GALNT13: variants seen among roughly 807,000 people sequenced by gnomAD.
GALNT13 encodes UDP-GalNAc:polypeptide N-acetylgalactosaminyltransferase 13.
Under a neutral mutation model 64.2 loss-of-function variants are expected in GALNT13, and 28 were observed. The ratio of observed to expected loss-of-function variants is 0.44; its 90% CI spans 0.32 to 0.60. GALNT13 has a LOEUF of 0.60. GALNT13 is among the 20% of genes least tolerant of loss of function. The pLI, the probability that GALNT13 is intolerant of heterozygous loss-of-function variation, is 0.05. For synonymous variants in GALNT13, 214 were observed against 224.6 expected, an observed-to-expected ratio of 0.95 and a Z score of 0.42; for missense variants, 577 against 669.8, an observed-to-expected ratio of 0.86 and a Z score of 1.53.
the GALNT13 span, among the ~76,000 whole-genome samples, chr2:153,765,717 G>C: frequency 6.6e-6 from 1 of 152,110 alleles, no homozygotes; most frequent in East Asian, 1.9e-4. Context: ...GATATGGTTA[G>C]GCTGTGTCCT....
the GALNT13 span, among the ~76,000 whole-genome samples, chr2:153,394,282 C>G: frequency 6.6e-6 from 1 of 152,050 alleles, no homozygotes; most frequent in Non-Finnish European, 1.5e-5. Flanking sequence ...TACAATATAA[C>G]CTATATTTTC....
At chr2:153,102,600 A>G in the GALNT13 span, among the ~76,000 whole-genome samples, 1 of 152,224 alleles carries the variant, frequency 6.6e-6, no homozygotes, top group Non-Finnish European at 1.5e-5. Context: ...TATTATTTAA[A>G]TGAATGAAGA....
At chr2:153,685,250 A>G in the GALNT13 span, among the ~76,000 whole-genome samples, 1 of 151,920 alleles carries the variant, frequency 6.6e-6, no homozygotes, top group African/African-American at 2.4e-5. Context: ...CAATGGTTGA[A>G]CTAAATTACA....
chr2:154,286,325 C>T (rs545390286), intron 8 of GALNT13, among the ~76,000 whole-genome samples: 27 of 152,216 alleles, frequency 1.8e-4, no homozygotes, highest in African/African-American at 6.5e-4. Context: ...TCATACATGG[C>T]TTTTATTGTA....
chr2:153,476,522 T>A, the GALNT13 span, among the ~76,000 whole-genome samples: 1 of 152,222 alleles, frequency 6.6e-6, no homozygotes, highest in Non-Finnish European at 1.5e-5. Flanking sequence ...CAGGCACGGT[T>A]TTTAGGCGTT....
At chr2:153,982,027 C>T (rs567092183) in intron 3 of GALNT13, among the ~76,000 whole-genome samples, 1 of 152,006 alleles carries the variant, frequency 6.6e-6, no homozygotes, top group Non-Finnish European at 1.5e-5. Flanking sequence ...AAGAATGCCC[C>T]TCTGCTAGAA....
chr2:153,567,418 A>G, the GALNT13 span, among the ~76,000 whole-genome samples: 1 of 152,236 alleles, frequency 6.6e-6, no homozygotes, highest in South Asian at 2.1e-4. Flanking sequence ...AGCCATTAGC[A>G]TTGGTAGAAG....
rs1343369244 is a variant in GALNT13, at chr2:154,173,132, A to G, written c.311+32627A>G. On this transcript the variant is annotated intron_variant, in intron 4 of 12. Transcript: ENST00000392825. The stretch of plus-strand genomic sequence containing the variant: ...ATGGTATTGGCATTAAAACAGACAT[A>G]TGGACAAATTGAACAGAATAGAAGA... Among the ~76,000 whole-genome samples, 3 of 152,102 alleles carry G rather than the reference A, an allele frequency of 2.0e-5. No individual in the cohort carries two copies. In the South Asian group the frequency reaches 6.2e-4, roughly 32 times the overall value.
In GALNT13 at chr2:153,956,841, G is replaced by A. The variant is rs376165416; in HGVS notation, c.142+12202G>A. ...AAGAATCATTCTATCACTTTAAGAC[G>A]TTAAACCACATAATACGCTCACTAT... On this transcript the variant is annotated intron_variant, in intron 3 of 12. Transcript: ENST00000392825. Among the ~76,000 whole-genome samples the A allele has an allele frequency of 3.2e-4, 49 of 152,174 alleles. 1 individual carries two copies. In the South Asian group the frequency reaches 8.5e-3, roughly 26 times the overall value.
At chr2:154,364,497 C>A (rs368473007) in intron 9 of GALNT13, among the ~76,000 whole-genome samples, 89 of 152,300 alleles carry the variant, frequency 5.8e-4, no homozygotes, top group African/African-American at 2.1e-3. Flanking sequence ...ATAGCAAATT[C>A]ATATCCTTAG....
At chr2:153,310,407 C>G in the GALNT13 span, among the ~76,000 whole-genome samples, 1 of 152,028 alleles carries the variant, frequency 6.6e-6, no homozygotes, top group Non-Finnish European at 1.5e-5. Flanking sequence ...CTGCCTGGGT[C>G]CAATTACATG....
the GALNT13 span, among the ~76,000 whole-genome samples, chr2:153,345,648 T>C: frequency 8.3e-6 from 1 of 119,806 alleles, no homozygotes; most frequent in Non-Finnish European, 1.7e-5. Context: ...TCTTTCTTTC[T>C]TTCTTTCTTT....
the GALNT13 span, among the ~76,000 whole-genome samples, chr2:153,349,858 A>T: frequency 6.6e-6 from 1 of 152,180 alleles, no homozygotes; most frequent in Admixed American, 6.5e-5. Context: ...TTAACCATAG[A>T]ATCCAATTAA....
intron 10 of GALNT13, among the ~76,000 whole-genome samples, chr2:154,403,233 A>C (rs1699378624): frequency 6.6e-6 from 1 of 152,154 alleles, no homozygotes; most frequent in Non-Finnish European, 1.5e-5. Flanking sequence ...CAGGCGGATC[A>C]CTTGAGATCA....
At chr2:154,424,417 A>G (rs1461307417) in intron 11 of GALNT13, among the ~76,000 whole-genome samples, 1 of 152,206 alleles carries the variant, frequency 6.6e-6, no homozygotes, top group South Asian at 2.1e-4. Context: ...TTTAATATAC[A>G]GTATATTTTA....
chr2:154,220,269 G>A (rs1242608647), intron 4 of GALNT13, among the ~76,000 whole-genome samples: 1 of 152,056 alleles, frequency 6.6e-6, no homozygotes, highest in African/African-American at 2.4e-5. Context: ...ATATTTGGAT[G>A]TGTAGTAAAA....
chr2:154,329,828 T>TTC lies in GALNT13; in HGVS notation c.1156+28248_1156+28249dup, dbSNP rs967818299. Among the ~76,000 whole-genome samples, 136 of 152,096 alleles carry TTC rather than the reference T, an allele frequency of 8.9e-4. 2 individuals are homozygous for TTC. In the Middle Eastern group the frequency reaches 0.01, roughly 11 times the overall value. On this transcript the variant is annotated intron_variant, in intron 9 of 12. Coordinates refer to ENST00000392825, the MANE Select transcript of GALNT13 (RefSeq NM_052917.4). ...ACCACACCTCTGCCTCTTTCCTTCTTTCTCTCTCTCCTGTGATCTCTGTGC... is the reference window on the plus strand; with the variant it reads ...ACCACACCTCTGCCTCTTTCCTTCTTTCTCTCTCTCTCCTGTGATCTCTGTGC...
the GALNT13 span, among the ~76,000 whole-genome samples, chr2:153,460,459 T>A: frequency 1.3e-5 from 2 of 152,162 alleles, no homozygotes; most frequent in Admixed American, 6.6e-5. Context: ...TAGATAGTTT[T>A]CAGTTGTTTG....
At chr2:154,147,354 AAT>A (rs368415407) in intron 4 of GALNT13, among the ~76,000 whole-genome samples, 1,819 of 147,376 alleles carry the variant, frequency 0.012, 14 homozygotes, top group Non-Finnish European at 0.019. Flanking sequence ...ATTTGAATGG[AAT>A]ATATATATAT....
Sources: gnomAD v4.1 joint callset for allele counts (sites outside exome capture counted in the v4.1 genomes callset) on GRCh38, gnomAD v4.1.1 for gene constraint, MANE v1.5 for transcripts, NCBI Gene and HGNC (gene_info 2026-07-23, HGNC 2026-07-21) for gene names.